The following VSIR variants were observed in gnomAD, a reference collection of about 807,000 sequenced individuals.
The protein encoded by VSIR is V-set immunoregulatory receptor.
Under a neutral mutation model 31.0 loss-of-function variants are expected in VSIR, and 10 were observed. The observed-to-expected ratio is 0.32, with a 90% confidence interval of 0.20 to 0.55. The LOEUF (loss-of-function observed/expected upper bound fraction) is 0.55, where lower values mean the gene tolerates loss of function less well. VSIR is among the 20% of genes least tolerant of loss of function. VSIR has a pLI of 0.93. For missense variants in VSIR, 356 were observed against 416.2 expected, an observed-to-expected ratio of 0.86 and a Z score of 1.26; for synonymous variants, 179 against 180.1, an observed-to-expected ratio of 0.99 and a Z score of 0.05.
chr10:71,773,365 C>A lies in VSIR; in HGVS notation c.75G>T (p.Ala25=). The A allele has an allele frequency of 6.2e-7, 1 of 1,607,958 alleles. No individual in the cohort carries two copies. Among genetic ancestry groups the A allele is most frequent in the South Asian group, 1.1e-5 (1 of 90,248 alleles). Residue 25 remains alanine, a synonymous_variant, in exon 1 of 7, where the codon GCG becomes GCT. Transcript: ENST00000394957. The stretch of plus-strand genomic sequence containing the variant: ...CGCCTCCCCCGACCTTACCTAGGGA[C>A]GCAGCCAGGAAGAGAGCGAAGAGCA... ...GSLLFALFLA[A]SLGPVAAFKV...
intron 1 of VSIR, 22 bp downstream of exon 1, chr10:71,773,336 G>T (rs1840730779): frequency 6.3e-7 from 1 of 1,590,786 alleles, no homozygotes; most frequent in Non-Finnish European, 8.6e-7. Flanking sequence ...TTTTCCCAGC[G>T]CCCCGCCTCC....
chr10:71,767,243 G>A lies in VSIR; in HGVS notation c.83-5217C>T, dbSNP rs538653755. ...CCGGGTGACCCCTGTGAGTGTGCACGGGATGGGTGTGTGTGGGTGTGGACA... is the reference window on the plus strand; with the variant it reads ...CCGGGTGACCCCTGTGAGTGTGCACAGGATGGGTGTGTGTGGGTGTGGACA... On this transcript the variant is annotated intron_variant, in intron 1 of 6. Transcript: ENST00000394957. Among the ~76,000 whole-genome samples, 5 of 152,342 alleles carry A rather than the reference G, an allele frequency of 3.3e-5. 1 individual carries two copies. The South Asian group carries it at 8.3e-4, about 25-fold the overall frequency.
At chr10:71,760,813 G>T (rs1457198693) in intron 3 of VSIR, 55 bp downstream of exon 3, 8 of 1,546,018 alleles carry the variant, frequency 5.2e-6, no homozygotes, top group Non-Finnish European at 6.3e-6. Context: ...CTGGGTGCAG[G>T]ATGAGGACAG....
At chr10:71,769,793 T>C (rs1840645556) in intron 1 of VSIR, among the ~76,000 whole-genome samples, 1 of 152,146 alleles carries the variant, frequency 6.6e-6, no homozygotes. Flanking sequence ...AGCAACCTCA[T>C]TATTGGATTA....
In VSIR at chr10:71,762,092, G is replaced by A. The variant is rs532350680; in HGVS notation, c.83-66C>T. 23 of 1,492,894 alleles carry A rather than the reference G, an allele frequency of 1.5e-5. No homozygotes were observed. In the East Asian group the frequency reaches 2.6e-4, roughly 17 times the overall value. 92.5% of individuals were successfully genotyped at this position (1,492,894 alleles called of 1,614,324 possible). A position where few individuals can be genotyped will look rare whatever the true frequency, so the allele number is the denominator to read the frequency against. On this transcript the variant is annotated intron_variant, in intron 1 of 6. Transcript: ENST00000394957. ...GTGCTACTCCTGGCAACCCCAGAGCGGGGAAGAACCTTAGCCTCTGCTACT... is the reference window on the plus strand; with the variant it reads ...GTGCTACTCCTGGCAACCCCAGAGCAGGGAAGAACCTTAGCCTCTGCTACT...
intron 3 of VSIR, among the ~76,000 whole-genome samples, chr10:71,760,239 A>AGTGTG: frequency 3.0e-5 from 1 of 33,896 alleles, no homozygotes; most frequent in Admixed American, 2.6e-4. Context: ...ATGTATATAC[A>AGTGTG]TATATATGTA....
intron 1 of VSIR, among the ~76,000 whole-genome samples, chr10:71,766,320 C>T (rs984971676): frequency 4.6e-5 from 7 of 152,284 alleles, no homozygotes; most frequent in African/African-American, 1.2e-4. Context: ...AGGCGGGAAC[C>T]GTCCAGTTGC....
At chr10:71,761,054 T>G in intron 2 of VSIR, 130 bp from the exon 3 acceptor site, 1 of 884,034 alleles carries the variant, frequency 1.1e-6, no homozygotes, top group South Asian at 1.4e-5. Flanking sequence ...GTTGGCCCAG[T>G]GGCAGCCTGC....
Position 71,755,346 on chromosome 10 carries a change from G to T in VSIR, c.676+13C>A, listed in dbSNP as rs3747858. 0.62 allele frequency: 993,493 copies of T among 1,603,730 alleles called. 309,140 individuals are homozygous for T. The highest frequency in any genetic ancestry group is 0.75 in the African/African-American group (55,940 of 74,758). ...GCACCGTCCACCCACCCCAGGCAGG[G>T]AGGAATACTCACGGCGGTTGGAGGC... On this transcript the variant is annotated intron_variant, in intron 4 of 6. Transcript: ENST00000394957.
At chr10:71,754,601 G>C (rs1840086252) in intron 4 of VSIR, among the ~76,000 whole-genome samples, 2 of 152,154 alleles carry the variant, frequency 1.3e-5, no homozygotes, top group South Asian at 4.1e-4. Context: ...GGTGAAAGAT[G>C]TTTGTGCCCA....
At chr10:71,760,377 A>G (rs1160355431) in intron 3 of VSIR, 1 of 152,542 alleles carries the variant, frequency 6.6e-6, no homozygotes, top group East Asian at 1.9e-4. Context: ...AGTGCCCAGC[A>G]CAGTGGGAAC....
intron 1 of VSIR, among the ~76,000 whole-genome samples, chr10:71,763,232 T>C (rs1198450045): frequency 2.0e-5 from 3 of 152,228 alleles, no homozygotes; most frequent in South Asian, 2.1e-4. Context: ...GACCTTGAAC[T>C]CCTGGCTTCA....
Position 71,751,831 on chromosome 10 carries a change from A to C in VSIR, c.735T>G (p.Phe245Leu), listed in dbSNP as rs2132865144. ...SNIQGIENPG[F>L]EASPPAQGIP... ...TCCCCTGGGCAGGTGGTGAGGCTTC[A>C]AAGCCGGGGTTTTCAATCCCTTGAA... Residue 245 changes from phenylalanine (F) to leucine (L), a missense_variant, in exon 6 of 7, where the codon TTT becomes TTG. Physicochemically the swap from Phe to Leu is conservative, Grantham distance 22 (BLOSUM62 0). Around this residue, in one of 2 missense-constraint regions of VSIR, gnomAD observed 190 missense variants for 185.2 expected, o/e 1.03. Coordinates refer to ENST00000394957, the MANE Select transcript of VSIR (RefSeq NM_022153.2). The surrounding 1 kb of genome is among the most constrained non-coding windows in gnomAD (Gnocchi z 4.9). 3 of 1,567,404 alleles carry C rather than the reference A, an allele frequency of 1.9e-6. No homozygotes were observed. The highest frequency in any genetic ancestry group is 2.6e-6 in the Non-Finnish European group (3 of 1,156,802).
At chr10:71,771,998 C>T (rs1247723191) in intron 1 of VSIR, among the ~76,000 whole-genome samples, 3 of 152,252 alleles carry the variant, frequency 2.0e-5, no homozygotes, top group East Asian at 3.8e-4. Context: ...GGGATGCTGG[C>T]TTGCCTGCCT....
At chr10:71,764,465 T>C (rs141949531) in intron 1 of VSIR, among the ~76,000 whole-genome samples, 12 of 152,328 alleles carry the variant, frequency 7.9e-5, no homozygotes, top group Non-Finnish European at 1.3e-4. Context: ...ACATATTTCA[T>C]TGGATCCTCA....
chr10:71,762,694 T>C (rs1383890344), intron 1 of VSIR, among the ~76,000 whole-genome samples: 4 of 152,240 alleles, frequency 2.6e-5, no homozygotes, highest in African/African-American at 9.6e-5. Flanking sequence ...GGAGAGTCTT[T>C]GGACTTGGTG....
intron 1 of VSIR, among the ~76,000 whole-genome samples, chr10:71,768,449 G>T (rs1440450763): frequency 6.6e-6 from 1 of 152,138 alleles, no homozygotes; most frequent in Non-Finnish European, 1.5e-5. Context: ...GGGATTACAG[G>T]AGTGAGCCAC....
chr10:71,755,554 G>A (rs1840119538), intron 3 of VSIR, 88 bp from the exon 4 acceptor site: 1 of 1,253,086 alleles, frequency 8.0e-7, no homozygotes, highest in African/African-American at 1.5e-5. Flanking sequence ...GGAAGGCCAG[G>A]AAGCAGGAGA....
rs761286923 is a variant in VSIR at position 71,761,798 on chromosome 10, T to C, written c.311A>G (p.His104Arg). 3 of 1,614,120 alleles carry C rather than the reference T, an allele frequency of 1.9e-6. No individual in the cohort carries two copies. Among genetic ancestry groups the C allele is most frequent in the Non-Finnish European group, 2.5e-6 (3 of 1,180,032 alleles). Reference protein sequence around the residue: ...FQDLHLHHGGHQAANTSHDLA... With the variant: ...FQDLHLHHGGRQAANTSHDLA... ...GTCGTGGCTGGTGTTGGCAGCCTGGTGGCCTCCATGGTGCAGGTGAAGGTC... is the reference window on the plus strand; with the variant it reads ...GTCGTGGCTGGTGTTGGCAGCCTGGCGGCCTCCATGGTGCAGGTGAAGGTC... The change falls in exon 2 of 7, where the codon CAC becomes CGC. Residue 104 changes from histidine (H) to arginine (R), a missense_variant. This residue lies in a region of VSIR where 166 missense variants were observed against 231.0 expected (regional missense o/e 0.72). Transcript: ENST00000394957.
Sources: gnomAD v4.1 joint callset for allele counts (sites outside exome capture counted in the v4.1 genomes callset) on GRCh38, gnomAD v4.1.1 for gene constraint, gnomAD v4.1.1 regional missense constraint, Gnocchi (gnomAD v3.1) non-coding constraint, MANE v1.5 for transcripts, NCBI Gene and HGNC (gene_info 2026-07-23, HGNC 2026-07-21) for gene names.